The following BABAM2 variants were observed in gnomAD, a reference collection of about 807,000 sequenced individuals.
BABAM2 encodes the protein BRISC and BRCA1-A complex member 2.
In BABAM2, 31 loss-of-function variants were observed where a neutral mutation model predicts 54.7. The observed-to-expected ratio is 0.57, with a 90% CI of 0.43 to 0.77. The LOEUF is 0.77. Ranked by LOEUF, BABAM2 falls within the 30% of genes least tolerant of loss-of-function variation. The pLI is 0.00. For missense variants in BABAM2, 364 were observed against 455.8 expected (o/e 0.80, Z 1.83); for synonymous variants, 167 against 162.9 (o/e 1.03, Z -0.19).
chr2:28,102,529 G>C (rs1667174205), intron 6 of BABAM2, among the ~76,000 whole-genome samples: 1 of 152,222 alleles, frequency 6.6e-6, no homozygotes, highest in Admixed American at 6.5e-5. Context: ...CCAGATCCAA[G>C]AGGAAATGGA....
At chr2:28,259,429 C>T (rs1418710380) in intron 10 of BABAM2, among the ~76,000 whole-genome samples, 1 of 152,026 alleles carries the variant, frequency 6.6e-6, no homozygotes, top group East Asian at 1.9e-4. Flanking sequence ...GCTATGCTGC[C>T]CAGGCAGTTT....
intron 10 of BABAM2, among the ~76,000 whole-genome samples, chr2:28,284,309 G>A (rs919905029): frequency 6.6e-6 from 1 of 151,280 alleles, no homozygotes; most frequent in Non-Finnish European, 1.5e-5. Context: ...GAAAACAGTA[G>A]CAAGAAAACA....
At chr2:28,160,610 T>C (rs1265096927) in intron 7 of BABAM2, among the ~76,000 whole-genome samples, 2 of 151,582 alleles carry the variant, frequency 1.3e-5, no homozygotes, top group African/African-American at 4.9e-5. Flanking sequence ...GTTGAACCCA[T>C]GGGCGGTACT....
chr2:28,286,613 C>G (rs1353939097), intron 10 of BABAM2, among the ~76,000 whole-genome samples: 1 of 152,172 alleles, frequency 6.6e-6, no homozygotes, highest in Admixed American at 6.5e-5. Context: ...CAGTCATAGT[C>G]CTCCCACTGC....
chr2:28,211,234 G>T (rs1024404701), intron 7 of BABAM2, among the ~76,000 whole-genome samples: 1 of 152,138 alleles, frequency 6.6e-6, no homozygotes, highest in African/African-American at 2.4e-5. Context: ...TCTTCATGTT[G>T]AGTTAGTTGG....
intron 8 of BABAM2, 100 bp from the exon 9 acceptor site, chr2:28,241,223 C>CT (rs2148068381): frequency 8.4e-7 from 1 of 1,185,902 alleles, no homozygotes; most frequent in East Asian, 2.5e-5. Context: ...CCGGTGTTCA[C>CT]TTTACTATTC....
intron 6 of BABAM2, among the ~76,000 whole-genome samples, chr2:28,102,734 A>G (rs555915292): frequency 7.9e-5 from 12 of 152,320 alleles, no homozygotes; most frequent in African/African-American, 2.6e-4. Context: ...GTGCATTACA[A>G]TGTGCGAACA....
At chr2:28,106,613 A>G (rs1465539938) in intron 6 of BABAM2, among the ~76,000 whole-genome samples, 1 of 152,218 alleles carries the variant, frequency 6.6e-6, no homozygotes. Flanking sequence ...GTGATGTTAT[A>G]TATTTTCATG....
At chr2:28,160,348 T>C (rs773511148) in intron 7 of BABAM2, among the ~76,000 whole-genome samples, 8 of 152,216 alleles carry the variant, frequency 5.3e-5, no homozygotes, top group Non-Finnish European at 1.2e-4. Context: ...GGTTATGTGA[T>C]AGCTAATCCT....
At chr2:28,224,411 A>G (rs1410993089) in intron 7 of BABAM2, among the ~76,000 whole-genome samples, 4 of 152,214 alleles carry the variant, frequency 2.6e-5, no homozygotes, top group Admixed American at 6.5e-5. Flanking sequence ...AACTGCAGAC[A>G]TGAGTGTCAT....
intron 7 of BABAM2, among the ~76,000 whole-genome samples, chr2:28,203,054 G>A (rs1445446474): frequency 2.6e-5 from 4 of 152,094 alleles, no homozygotes; most frequent in Admixed American, 6.6e-5. Context: ...AAATTAAGAC[G>A]TACTGGAATT....
intron 10 of BABAM2, among the ~76,000 whole-genome samples, chr2:28,246,979 G>A (rs1682971268): frequency 6.6e-6 from 1 of 152,142 alleles, no homozygotes; most frequent in Non-Finnish European, 1.5e-5. Context: ...ATTTCTTACA[G>A]CTCCTTCTCT....
rs865929798 is a variant in BABAM2 at position 28,003,838 on chromosome 2, G to A, written c.300+15751G>A. 2.6e-5 allele frequency among the ~76,000 whole-genome samples: 4 copies of A among 152,260 alleles called. No individual in the cohort carries two copies. The South Asian group carries it at 8.3e-4, about 32-fold the overall frequency. On this transcript the variant is annotated intron_variant, in intron 4 of 11. Transcript: ENST00000379624. ...AAATGGAAAGAAAACCAGAGGTGTG[G>A]AGGCCAAAATGACCAAGGACAACAT... is the stretch of plus-strand genomic sequence containing the variant.
Position 28,129,368 on chromosome 2 carries a change from C to T in BABAM2, c.668C>T (p.Pro223Leu). 6.2e-7 allele frequency: 1 copy of T among 1,613,102 alleles called. No homozygotes were observed. Among genetic ancestry groups the T allele is most frequent in the Non-Finnish European group, 8.5e-7 (1 of 1,179,062 alleles). The stretch of plus-strand genomic sequence containing the variant: ...GTGTACCCCAAGCTGTACTTGTCAC[C>T]TCGAATTGAGCAGTAAGTGTCATTA... Reference protein sequence around the residue: ...TQVYPKLYLSPRIEHALGGSS... With the variant: ...TQVYPKLYLSLRIEHALGGSS... The change falls in exon 7 of 12, where the codon CCT becomes CTT. Residue 223 changes from proline to leucine, a missense_variant. Transcript: ENST00000379624.
intron 6 of BABAM2, among the ~76,000 whole-genome samples, chr2:28,057,248 G>C (rs562840877): frequency 1.3e-5 from 2 of 152,212 alleles, no homozygotes; most frequent in South Asian, 2.1e-4. Flanking sequence ...ACATTAATTC[G>C]TACTTCTTGA....
At chr2:28,296,556 C>T (rs186235464) in intron 10 of BABAM2, among the ~76,000 whole-genome samples, 219 of 152,266 alleles carry the variant, frequency 1.4e-3, no homozygotes, top group Non-Finnish European at 2.8e-3. Context: ...TTTGGCTTCT[C>T]CTTAAAAGTC....
intron 7 of BABAM2, among the ~76,000 whole-genome samples, chr2:28,216,618 CAG>C (rs1326145576): frequency 6.6e-6 from 1 of 152,200 alleles, no homozygotes; most frequent in Non-Finnish European, 1.5e-5. Context: ...CAATATCGTA[CAG>C]AGTGTTGGCT....
chr2:28,131,892 T>A (rs989959630), intron 7 of BABAM2, among the ~76,000 whole-genome samples: 5 of 152,142 alleles, frequency 3.3e-5, no homozygotes, highest in African/African-American at 7.2e-5. Context: ...GTGGGCAATA[T>A]GAATATATTA....
intron 6 of BABAM2, among the ~76,000 whole-genome samples, chr2:28,113,515 A>C (rs559054554): frequency 1.3e-5 from 2 of 151,966 alleles, no homozygotes; most frequent in South Asian, 4.2e-4. Context: ...CTGTATATCT[A>C]TTTTGGTACC....
Sources: gnomAD v4.1 joint callset for allele counts (sites outside exome capture counted in the v4.1 genomes callset) on GRCh38, gnomAD v4.1.1 for gene constraint, MANE v1.5 for transcripts, NCBI Gene and HGNC (gene_info 2026-07-23, HGNC 2026-07-21) for gene names.